Variants in SHROOM3 observed in about 807,000 individuals in gnomAD.
The protein encoded by SHROOM3 is shroom family member 3.
Under a neutral mutation model 138.6 loss-of-function variants are expected in SHROOM3, and 47 were observed. That is an observed-to-expected ratio of 0.34 (90% CI 0.27 to 0.43). The LOEUF is 0.43. Ranked by LOEUF, SHROOM3 falls within the 20% of genes least tolerant of loss-of-function variation. The pLI is 1.00. For synonymous variants in SHROOM3, 1,062 were observed against 1,063.3 expected, an observed-to-expected ratio of 1.00 and a Z score of 0.02; for missense variants, 2,491 against 2,596.5, an observed-to-expected ratio of 0.96 and a Z score of 0.88.
In SHROOM3 at chr4:76,528,368, G is replaced by T. The variant is rs568749078; in HGVS notation, c.169-27241G>T. Among the ~76,000 whole-genome samples, 25 of 131,640 alleles carry T rather than the reference G, an allele frequency of 1.9e-4. No individual in the cohort carries two copies. The Admixed American group carries it at 2.0e-3, about 10-fold the overall frequency. The allele number at this position is 131,640 out of a possible 152,430, so 86.4% of individuals were successfully genotyped here. A position where few individuals can be genotyped will look rare whatever the true frequency, so the allele number is the denominator to read the frequency against. On this transcript the variant is annotated intron_variant, in intron 1 of 10. Coordinates refer to ENST00000296043, the MANE Select transcript of SHROOM3 (RefSeq NM_020859.4). ...CTTTTTTTTTTTTTTTTGAGACAGG[G>T]TCTTCCTATGTCCTATGTTGCCCAG... is the stretch of plus-strand genomic sequence containing the variant.
chr4:76,681,594 G>GGTGTGTGTGTGTGTATGT, intron 2 of SHROOM3, among the ~76,000 whole-genome samples: 1 of 81,022 alleles, frequency 1.2e-5, no homozygotes, highest in African/African-American at 5.7e-5. Context: ...CAGAGTCTAG[G>GGTGTGTGTGTGTGTATGT]GTGTGTGTGT....
chr4:76,494,162 T>C (rs1424672438), intron 1 of SHROOM3, among the ~76,000 whole-genome samples: 1 of 151,210 alleles, frequency 6.6e-6, no homozygotes, highest in African/African-American at 2.4e-5. Flanking sequence ...CAGATTGATT[T>C]TTTTTTTTTT....
chr4:76,749,298 C>T (rs1232507960), intron 6 of SHROOM3, among the ~76,000 whole-genome samples: 2 of 152,098 alleles, frequency 1.3e-5, no homozygotes, highest in African/African-American at 4.8e-5. Flanking sequence ...AGGTTTGTTA[C>T]ATATGTATAC....
intron 2 of SHROOM3, among the ~76,000 whole-genome samples, chr4:76,579,839 T>C (rs988572730): frequency 1.3e-5 from 2 of 152,364 alleles, no homozygotes; most frequent in South Asian, 4.1e-4. Context: ...GAAGAACTGG[T>C]TGATGATTTT....
intron 1 of SHROOM3, among the ~76,000 whole-genome samples, chr4:76,451,396 A>G (rs1456339518): frequency 6.6e-6 from 1 of 152,228 alleles, no homozygotes; most frequent in African/African-American, 2.4e-5. Flanking sequence ...ATTTGTGCAG[A>G]ATCAAAGAAA....
intron 1 of SHROOM3, among the ~76,000 whole-genome samples, chr4:76,545,101 T>C (rs7659268): frequency 0.43 from 65,162 of 151,832 alleles, 14,431 homozygotes; most frequent in South Asian, 0.58. Flanking sequence ...TTCTTTTTTT[T>C]TTCTTTTTTT....
chr4:76,535,448 T>C (rs1732931099), intron 1 of SHROOM3, among the ~76,000 whole-genome samples: 1 of 152,180 alleles, frequency 6.6e-6, no homozygotes, highest in Non-Finnish European at 1.5e-5. Context: ...TTGGATAAAA[T>C]TTATTAACTT....
At chr4:76,598,587 G>A (rs1010251496) in intron 2 of SHROOM3, among the ~76,000 whole-genome samples, 1 of 152,200 alleles carries the variant, frequency 6.6e-6, no homozygotes, top group African/African-American at 2.4e-5. Flanking sequence ...AGGTGGAGAT[G>A]GGGTAGAGGT....
rs573553120 is a variant in SHROOM3 at position 76,510,707 on chromosome 4, T to C, written c.169-44902T>C. On this transcript the variant is annotated intron_variant, in intron 1 of 10. Transcript: ENST00000296043. ...TGGCTTTTTCTGCCATGTACTTCAATGGCCTTAGTTGTTGAGGACTCGATA... is the reference window on the plus strand; with the variant it reads ...TGGCTTTTTCTGCCATGTACTTCAACGGCCTTAGTTGTTGAGGACTCGATA... 1.3e-4 allele frequency among the ~76,000 whole-genome samples: 20 copies of C among 152,294 alleles called. No individual in the cohort carries two copies. In the South Asian group the frequency reaches 1.7e-3, roughly 13 times the overall value.
chr4:76,502,530 A>G (rs938733620), intron 1 of SHROOM3, among the ~76,000 whole-genome samples: 2 of 152,148 alleles, frequency 1.3e-5, no homozygotes, highest in African/African-American at 4.8e-5. Context: ...GAATTAGAGG[A>G]TACTTAGCTC....
chr4:76,566,450 T>G (rs1733728036), intron 2 of SHROOM3, among the ~76,000 whole-genome samples: 1 of 152,120 alleles, frequency 6.6e-6, no homozygotes, highest in Non-Finnish European at 1.5e-5. Flanking sequence ...AAACCACACT[T>G]TGTATACCCT....
intron 9 of SHROOM3, among the ~76,000 whole-genome samples, chr4:76,764,285 C>G (rs899716703): frequency 6.6e-6 from 1 of 152,174 alleles, no homozygotes; most frequent in Non-Finnish European, 1.5e-5. Context: ...TTGGCTAAAG[C>G]CTGCCTTATT....
At chr4:76,639,882 G>C (rs563279941) in intron 2 of SHROOM3, among the ~76,000 whole-genome samples, 8 of 152,256 alleles carry the variant, frequency 5.3e-5, no homozygotes, top group African/African-American at 1.9e-4. Context: ...TCTTATTTCT[G>C]CAAACTTCTT....
intron 1 of SHROOM3, among the ~76,000 whole-genome samples, chr4:76,518,873 C>A (rs1006486787): frequency 6.6e-6 from 1 of 152,114 alleles, no homozygotes; most frequent in African/African-American, 2.4e-5. Context: ...TGAACCAGTA[C>A]AAAAAGCGCA....
chr4:76,643,067 C>T (rs1485784682), intron 2 of SHROOM3, among the ~76,000 whole-genome samples: 4 of 151,762 alleles, frequency 2.6e-5, no homozygotes, highest in South Asian at 4.2e-4. Context: ...AGTAGCCGGC[C>T]GTAGTGGTGC....
At chr4:76,600,459 G>C (rs542050063) in intron 2 of SHROOM3, among the ~76,000 whole-genome samples, 1 of 152,158 alleles carries the variant, frequency 6.6e-6, no homozygotes, top group Admixed American at 6.5e-5. Flanking sequence ...GCTTTCACAT[G>C]ATCAAGGTGT....
At chr4:76,537,523 G>A (rs1430155291) in intron 1 of SHROOM3, among the ~76,000 whole-genome samples, 1 of 152,210 alleles carries the variant, frequency 6.6e-6, no homozygotes. Flanking sequence ...GGGACACATA[G>A]GCAGAACAGG....
intron 1 of SHROOM3, among the ~76,000 whole-genome samples, chr4:76,458,013 T>G (rs1192155438): frequency 2.6e-5 from 4 of 151,978 alleles, no homozygotes; most frequent in African/African-American, 9.7e-5. Flanking sequence ...CAGGATGGTC[T>G]CAATCTCCTG....
chr4:76,676,851 G>A (rs539393634), intron 2 of SHROOM3, among the ~76,000 whole-genome samples: 1 of 150,804 alleles, frequency 6.6e-6, no homozygotes, highest in South Asian at 2.1e-4. Context: ...GCTGAGGCAG[G>A]AGAATGGCGT....
Sources: gnomAD v4.1 joint callset for allele counts (sites outside exome capture counted in the v4.1 genomes callset) on GRCh38, gnomAD v4.1.1 for gene constraint, MANE v1.5 for transcripts, NCBI Gene and HGNC (gene_info 2026-07-23, HGNC 2026-07-21) for gene names.